MARK3: variants seen among roughly 807,000 people sequenced by gnomAD.
MARK3 encodes the protein MAP/microtubule affinity-regulating kinase 3.
MARK3 carries 46 observed loss-of-function variants against 90.1 expected under a neutral mutation model. The ratio of observed to expected loss-of-function variants is 0.51; its 90% CI spans 0.40 to 0.65. The LOEUF is 0.65. MARK3 is among the 30% of genes least tolerant of loss of function. MARK3 has a pLI of 0.00. For missense variants in MARK3, 818 were observed against 947.2 expected (o/e 0.86, Z 1.79); for synonymous variants, 321 against 332.6 (o/e 0.97, Z 0.38).
chr14:103,421,620 T>C (rs750523720), intron 2 of MARK3, among the ~76,000 whole-genome samples: 10 of 152,216 alleles, frequency 6.6e-5, no homozygotes, highest in Non-Finnish European at 1.2e-4. Flanking sequence ...TTATTTTCTA[T>C]GGACAGTTGA....
intron 1 of MARK3, among the ~76,000 whole-genome samples, chr14:103,393,205 C>G (rs1285087251): frequency 6.6e-6 from 1 of 152,122 alleles, no homozygotes; most frequent in Non-Finnish European, 1.5e-5. Flanking sequence ...TGATCTGGAA[C>G]TCCTGACCTC....
At chr14:103,454,840 A>G (rs569337389) in intron 5 of MARK3, among the ~76,000 whole-genome samples, 2 of 152,314 alleles carry the variant, frequency 1.3e-5, no homozygotes, top group South Asian at 2.1e-4. Context: ...CAGGACCTGA[A>G]CTAGAACTAA....
chr14:103,440,450 G>A (rs1008785172), intron 3 of MARK3, among the ~76,000 whole-genome samples: 12 of 152,186 alleles, frequency 7.9e-5, no homozygotes, highest in Non-Finnish European at 1.5e-4. Context: ...CACAAGTAAT[G>A]TAGCATCCTC....
At chr14:103,388,586 C>G (rs1318128825) in intron 1 of MARK3, among the ~76,000 whole-genome samples, 1 of 152,144 alleles carries the variant, frequency 6.6e-6, no homozygotes, top group Non-Finnish European at 1.5e-5. Context: ...TGAATTTTGA[C>G]AAGCGTATAG....
chr14:103,398,585 C>T (rs903932179), intron 1 of MARK3, among the ~76,000 whole-genome samples: 4 of 152,078 alleles, frequency 2.6e-5, no homozygotes, highest in Non-Finnish European at 4.4e-5. Context: ...TTTGCCCAGG[C>T]GGGTCTCAAA....
chr14:103,399,725 A>G (rs1184601978), intron 1 of MARK3, among the ~76,000 whole-genome samples: 2 of 151,346 alleles, frequency 1.3e-5, no homozygotes, highest in Non-Finnish European at 2.9e-5. Flanking sequence ...AAAAAAAAAA[A>G]AAGAAAGGAA....
chr14:103,416,383 AG>A (rs1393710665), intron 2 of MARK3, among the ~76,000 whole-genome samples: 1 of 152,176 alleles, frequency 6.6e-6, no homozygotes, highest in African/African-American at 2.4e-5. Flanking sequence ...CATAAAAAGG[AG>A]GAAATTGGTG....
intron 5 of MARK3, among the ~76,000 whole-genome samples, chr14:103,455,508 C>T (rs770360476): frequency 6.6e-6 from 1 of 152,122 alleles, no homozygotes; most frequent in Non-Finnish European, 1.5e-5. Flanking sequence ...GGGCAGATCA[C>T]TTGAGGCCAG....
chr14:103,412,681 C>T, intron 2 of MARK3: 1 of 808,096 alleles, frequency 1.2e-6, no homozygotes, highest in Non-Finnish European at 2.0e-6. Context: ...TCTTCAGGAA[C>T]TTGGGGCACT....
chr14:103,481,022 G>A (rs920305385), intron 14 of MARK3, among the ~76,000 whole-genome samples: 9 of 152,178 alleles, frequency 5.9e-5, no homozygotes, highest in African/African-American at 2.2e-4. Flanking sequence ...TGGCTACATA[G>A]CAAGCATACA....
intron 3 of MARK3, among the ~76,000 whole-genome samples, chr14:103,428,759 A>G (rs1383834320): frequency 6.6e-6 from 1 of 152,158 alleles, no homozygotes; most frequent in Non-Finnish European, 1.5e-5. Context: ...TAAAAATAAT[A>G]CAGTACAAAA....
chr14:103,462,281 G>T (rs2093417127), intron 6 of MARK3, 124 bp from the exon 7 acceptor site: 1 of 614,656 alleles, frequency 1.6e-6, no homozygotes, highest in Non-Finnish European at 2.7e-6. Context: ...ATTGTTTTTA[G>T]AAATCCACAC....
chr14:103,401,931 A>G (rs1227031000), intron 1 of MARK3, among the ~76,000 whole-genome samples: 1 of 152,198 alleles, frequency 6.6e-6, no homozygotes, highest in African/African-American at 2.4e-5. Context: ...TTAGATTTGA[A>G]GAGAAGAAAG....
chr14:103,436,874 T>A (rs1295673545), intron 3 of MARK3, among the ~76,000 whole-genome samples: 4 of 152,178 alleles, frequency 2.6e-5, no homozygotes, highest in African/African-American at 9.7e-5. Context: ...TGGGATCACC[T>A]GAGGTCTGGA....
chr14:103,393,594 A>G (rs533655068), intron 1 of MARK3, among the ~76,000 whole-genome samples: 2 of 152,318 alleles, frequency 1.3e-5, no homozygotes, highest in African/African-American at 4.8e-5. Flanking sequence ...TTTGCAGTAA[A>G]TAGAATTTTG....
rs138666464 is a variant in MARK3 at position 103,503,070 on chromosome 14, A to G, written c.2105A>G (p.His702Arg). 5.0e-5 allele frequency: 81 copies of G among 1,614,240 alleles called. No individual in the cohort carries two copies. The Middle Eastern group carries it at 6.6e-4, about 13-fold the overall frequency. ...GAGCGCTTCTTGCTCTTCTGCGTCC[A>G]CGGAGATGGGCACGCGGAGAACCTC... ...QRERFLLFCV[H>R]GDGHAENLVQ... The change falls in exon 18 of 18, where the codon CAC becomes CGC. Residue 702 changes from histidine (H) to arginine (R), a missense_variant. Physicochemically the swap from His to Arg is conservative, Grantham distance 29. Around this residue, in one of 3 missense-constraint regions of MARK3, gnomAD observed 560 missense variants for 613.5 expected, o/e 0.91. Coordinates refer to ENST00000429436, the MANE Select transcript of MARK3 (RefSeq NM_001128918.3).
At chr14:103,404,354 G>A (rs1300405738) in intron 1 of MARK3, among the ~76,000 whole-genome samples, 2 of 152,158 alleles carry the variant, frequency 1.3e-5, no homozygotes, top group Non-Finnish European at 2.9e-5. Flanking sequence ...GAAAGGATTG[G>A]GACATCTAAT....
intron 3 of MARK3, among the ~76,000 whole-genome samples, chr14:103,441,255 T>A (rs1287419946): frequency 6.6e-6 from 1 of 152,094 alleles, no homozygotes; most frequent in Non-Finnish European, 1.5e-5. Flanking sequence ...TTTTTTAATA[T>A]GCTTTGCACT....
At chr14:103,466,190 G>T in intron 9 of MARK3, 99 bp downstream of exon 9, 7 of 1,448,652 alleles carry the variant, frequency 4.8e-6, no homozygotes, top group South Asian at 1.3e-5. Flanking sequence ...ATATCCTGCG[G>T]CTTTTTAAGC....
Sources: allele counts gnomAD v4.1 joint callset (sites outside exome capture counted in the v4.1 genomes callset), GRCh38; gene constraint gnomAD v4.1.1; regional missense constraint gnomAD v4.1.1; transcripts MANE v1.5; gene names NCBI Gene and HGNC (gene_info 2026-07-23, HGNC 2026-07-21).